Variants in CTNNA2 observed in about 807,000 individuals in gnomAD.
CTNNA2 encodes catenin alpha 2.
A neutral mutation model predicts 101.0 loss-of-function variants in CTNNA2; 42 were observed. That is an observed-to-expected ratio of 0.42 (90% CI 0.32 to 0.54). The LOEUF (loss-of-function observed/expected upper bound fraction) is 0.54. Among genes scored for constraint, CTNNA2 ranks in the 20% least tolerant of loss-of-function variants. The probability of loss-of-function intolerance (pLI) is 0.14; values close to 1 mark genes in which losing one functional copy is unlikely to be tolerated. For synonymous variants in CTNNA2, 450 were observed against 456.4 expected (o/e 0.99, Z 0.18); for missense variants, 871 against 1,223.1 (o/e 0.71, Z 4.29).
At chr2:80,457,567 A>G (rs1051615986) in intron 9 of CTNNA2, among the ~76,000 whole-genome samples, 2 of 152,104 alleles carry the variant, frequency 1.3e-5, no homozygotes, top group Non-Finnish European at 2.9e-5. Context: ...AAAAATATAC[A>G]AACTCCTTAC....
chr2:79,721,755 T>C (rs1216055991), intron 2 of CTNNA2, among the ~76,000 whole-genome samples: 1 of 152,182 alleles, frequency 6.6e-6, no homozygotes, highest in Non-Finnish European at 1.5e-5. Context: ...TGTTCGAATT[T>C]GGTTCTCAAA....
rs569793137 is a variant in CTNNA2 at position 79,688,936 on chromosome 2, G to A, written c.102+37278G>A. Among the ~76,000 whole-genome samples, 20 of 152,074 alleles carry A rather than the reference G, an allele frequency of 1.3e-4. 1 individual carries two copies. Among genetic ancestry groups the A allele is most frequent in the Non-Finnish European group, 1.6e-4 (11 of 67,946 alleles). ...TAGCATGGTGGCTTGTCTCTGTGCCGTGGTGTTTGAGGCCTCAACTAGAAA... is the reference window on the plus strand; with the variant it reads ...TAGCATGGTGGCTTGTCTCTGTGCCATGGTGTTTGAGGCCTCAACTAGAAA... On this transcript the variant is annotated intron_variant, in intron 2 of 18. Transcript: ENST00000402739.
At chr2:79,341,582 TC>T (rs1677139029) in intron 3 of CTNNA2, among the ~76,000 whole-genome samples, 2 of 152,248 alleles carry the variant, frequency 1.3e-5, no homozygotes, top group Non-Finnish European at 2.9e-5. Context: ...GACTCTCTTT[TC>T]AAGGACGTTT....
intron 2 of CTNNA2, among the ~76,000 whole-genome samples, chr2:79,206,513 A>G (rs1674102726): frequency 6.6e-6 from 1 of 152,110 alleles, no homozygotes; most frequent in Non-Finnish European, 1.5e-5. Flanking sequence ...TCACACTTGG[A>G]GCTTCTAAAC....
At chr2:79,674,315 G>A (rs1313449609) in intron 2 of CTNNA2, among the ~76,000 whole-genome samples, 2 of 152,186 alleles carry the variant, frequency 1.3e-5, no homozygotes, top group Non-Finnish European at 2.9e-5. Context: ...GAAGGTCACA[G>A]TTAATTTTAA....
chr2:80,409,871 A>G (rs1221624894), intron 8 of CTNNA2, among the ~76,000 whole-genome samples: 3 of 152,194 alleles, frequency 2.0e-5, no homozygotes, highest in Non-Finnish European at 4.4e-5. Context: ...TCTTGAGATT[A>G]GAAAGGAATT....
chr2:79,716,298 A>G (rs186175245), intron 2 of CTNNA2, among the ~76,000 whole-genome samples: 1 of 152,314 alleles, frequency 6.6e-6, no homozygotes, highest in African/African-American at 2.4e-5. Flanking sequence ...TTTTAAGTTC[A>G]GGGGTACACA....
chr2:80,490,271 T>TCCCCCCCCTCCCCCC (rs1185906142), intron 9 of CTNNA2, among the ~76,000 whole-genome samples: 1 of 51,852 alleles, frequency 1.9e-5, no homozygotes, highest in African/African-American at 1.1e-4. Flanking sequence ...TTTTTTTCCT[T>TCCCCCCCCTCCCCCC]CCCCCCCCAC....
At chr2:79,272,362 C>T (rs1029435497) in intron 2 of CTNNA2, among the ~76,000 whole-genome samples, 1 of 151,988 alleles carries the variant, frequency 6.6e-6, no homozygotes, top group Non-Finnish European at 1.5e-5. Context: ...GAACAAAACA[C>T]TCTTTATATT....
At chr2:80,572,975 T>C (rs1694733392) in intron 12 of CTNNA2, 1 of 152,200 alleles carries the variant, frequency 6.6e-6, no homozygotes. Context: ...GAATGTTTTA[T>C]CTTGAATACT....
chr2:80,529,610 A>G (rs2164044), intron 9 of CTNNA2, among the ~76,000 whole-genome samples: 63,323 of 151,898 alleles, frequency 0.42, 13,459 homozygotes, highest in African/African-American at 0.46. Flanking sequence ...TATGCTTGCT[A>G]AACTTGGATC....
intron 7 of CTNNA2, among the ~76,000 whole-genome samples, chr2:80,242,394 G>A (rs1671010778): frequency 6.6e-6 from 1 of 152,174 alleles, no homozygotes; most frequent in South Asian, 2.1e-4. Context: ...AACCCACACA[G>A]CACTCAGGGC....
intron 7 of CTNNA2, among the ~76,000 whole-genome samples, chr2:80,037,643 C>T (rs1695756156): frequency 6.6e-6 from 1 of 152,134 alleles, no homozygotes; most frequent in Non-Finnish European, 1.5e-5. Flanking sequence ...TTGATGCCCA[C>T]CTCCAAGGTT....
chr2:79,361,976 C>A (rs1677640767), intron 3 of CTNNA2, among the ~76,000 whole-genome samples: 1 of 152,148 alleles, frequency 6.6e-6, no homozygotes. Flanking sequence ...CAGACACACC[C>A]AGAATCAATA....
chr2:80,463,689 A>G (rs1384963341), intron 9 of CTNNA2, among the ~76,000 whole-genome samples: 1 of 152,198 alleles, frequency 6.6e-6, no homozygotes, highest in East Asian at 1.9e-4. Context: ...GAATTTGATT[A>G]CATTAATAGT....
chr2:79,686,071 A>G (rs1573676155), intron 2 of CTNNA2, among the ~76,000 whole-genome samples: 1 of 152,254 alleles, frequency 6.6e-6, no homozygotes, highest in Non-Finnish European at 1.5e-5. Flanking sequence ...GAAGCATGAA[A>G]TTTGAAGGCC....
rs17017746 is a variant in CTNNA2, at chr2:79,738,738, A to G, written c.103-5649A>G. On this transcript the variant is annotated intron_variant, in intron 2 of 18. Transcript: ENST00000402739. The stretch of plus-strand genomic sequence containing the variant: ...GATTTTAGCAACCTGTTAACTAACA[A>G]GAGGACTCTGCTACAGGAGGTGAGA... 9.8e-3 allele frequency among the ~76,000 whole-genome samples: 1,496 copies of G among 152,342 alleles called. 62 individuals are homozygous for G. The East Asian group carries it at 0.11, about 12-fold the overall frequency.
intron 9 of CTNNA2, among the ~76,000 whole-genome samples, chr2:80,484,004 T>C (rs1282541192): frequency 6.6e-6 from 1 of 152,124 alleles, no homozygotes; most frequent in Admixed American, 6.5e-5. Context: ...ATACAAATTA[T>C]TATGAGATGA....
chr2:79,722,898 G>A (rs1205062825), intron 2 of CTNNA2, among the ~76,000 whole-genome samples: 1 of 152,090 alleles, frequency 6.6e-6, no homozygotes, highest in African/African-American at 2.4e-5. Context: ...ATTTTGGATT[G>A]CTATGCTGTG....
Sources: allele counts gnomAD v4.1 joint callset (sites outside exome capture counted in the v4.1 genomes callset), GRCh38; gene constraint gnomAD v4.1.1; transcripts MANE v1.5; gene names NCBI Gene and HGNC (gene_info 2026-07-23, HGNC 2026-07-21).